The following PPP5C variants were observed in gnomAD, a reference collection of about 807,000 sequenced individuals.
PPP5C encodes the protein protein phosphatase 5 catalytic subunit.
PPP5C carries 21 observed loss-of-function variants against 66.7 expected under a neutral mutation model. The observed-to-expected ratio is 0.31, with a 90% confidence interval of 0.22 to 0.45. The LOEUF (loss-of-function observed/expected upper bound fraction) is 0.45. PPP5C is among the 20% of genes least tolerant of loss of function. PPP5C has a pLI of 1.00. For missense variants in PPP5C, 464 were observed against 675.9 expected (o/e 0.69, Z 3.48); for synonymous variants, 246 against 257.4 (o/e 0.96, Z 0.43).
At chr19:46,369,873 C>T (rs1972555630) in intron 2 of PPP5C, among the ~76,000 whole-genome samples, 1 of 150,002 alleles carries the variant, frequency 6.7e-6, no homozygotes, top group Non-Finnish European at 1.5e-5. Context: ...TTACAGTGAG[C>T]CGAGATCAAG....
chr19:46,388,443 C>A lies in PPP5C; in HGVS notation c.1171C>A (p.Pro391Thr). The change falls in exon 10 of 13, where the codon CCA becomes ACA. Residue 391 changes from proline to threonine, a missense_variant. Pro to Thr is a conservative substitution (Grantham distance 38). Coordinates refer to ENST00000012443, the MANE Select transcript of PPP5C (RefSeq NM_006247.4). The surrounding 1 kb of genome is among the most constrained non-coding windows in gnomAD (Gnocchi z 4.9). ...TGACCTGCTCTGGTCAGATCCACAG[C>A]CACAGGTGAGTCTAGGGTGGGGTGC... ...MCDLLWSDPQPQNGRSISKRG... is the reference protein window; with the variant it reads ...MCDLLWSDPQTQNGRSISKRG... 1 of 1,612,476 alleles carries A rather than the reference C, an allele frequency of 6.2e-7. No homozygotes were observed. Among genetic ancestry groups the A allele is most frequent in the South Asian group, 1.1e-5 (1 of 91,014 alleles).
intron 2 of PPP5C, among the ~76,000 whole-genome samples, chr19:46,357,440 G>A (rs764462937): frequency 1.1e-4 from 16 of 152,118 alleles, no homozygotes; most frequent in African/African-American, 3.9e-4. Flanking sequence ...TCTCCCTACC[G>A]GCAACCAAGC....
chr19:46,378,421 T>G (rs1334434184), intron 4 of PPP5C, among the ~76,000 whole-genome samples: 1 of 152,194 alleles, frequency 6.6e-6, no homozygotes, highest in Non-Finnish European at 1.5e-5. Flanking sequence ...TGGAAAATAG[T>G]GTGTATTTTG....
chr19:46,348,371 TGGCGCAATCTC>T (rs1972123279), intron 1 of PPP5C, among the ~76,000 whole-genome samples: 1 of 147,100 alleles, frequency 6.8e-6, no homozygotes, highest in Admixed American at 7.1e-5. Context: ...TAGAGTGCAA[TGGCGCAATCTC>T]GGCTCACTGC....
intron 2 of PPP5C, among the ~76,000 whole-genome samples, chr19:46,361,121 G>A (rs1342239969): frequency 7.7e-6 from 1 of 130,218 alleles, no homozygotes; most frequent in Non-Finnish European, 1.6e-5. Flanking sequence ...AAAGATAAGT[G>A]AAAGAAAATT....
chr19:46,377,559 T>C (rs1972717040), intron 4 of PPP5C, among the ~76,000 whole-genome samples: 1 of 152,200 alleles, frequency 6.6e-6, no homozygotes, highest in Non-Finnish European at 1.5e-5. Context: ...AAGTGTCCTG[T>C]TAGATGAGTT....
At chr19:46,350,135 G>A (rs1372308962) in intron 1 of PPP5C, among the ~76,000 whole-genome samples, 2 of 152,284 alleles carry the variant, frequency 1.3e-5, no homozygotes, top group East Asian at 1.9e-4. Flanking sequence ...AAGAGGCTGC[G>A]AGGCCAGGTG....
At chr19:46,350,704 C>T (rs1354471778) in intron 1 of PPP5C, among the ~76,000 whole-genome samples, 1 of 152,128 alleles carries the variant, frequency 6.6e-6, no homozygotes, top group Non-Finnish European at 1.5e-5. Context: ...TGGGAGATGG[C>T]TAGGAGTGGC....
At chr19:46,377,085 T>C (rs560906569) in intron 4 of PPP5C, among the ~76,000 whole-genome samples, 1 of 152,304 alleles carries the variant, frequency 6.6e-6, no homozygotes, top group East Asian at 1.9e-4. Flanking sequence ...GACCTTACCA[T>C]AGTTTTGGGG....
chr19:46,390,214 A>G, intron 12 of PPP5C, 70 bp from the exon 13 acceptor site: 2 of 1,605,614 alleles, frequency 1.2e-6, no homozygotes, highest in Non-Finnish European at 1.7e-6. Context: ...GGGCAGGGGT[A>G]GGTTCTGCCG....
rs189506887 is a variant in PPP5C, at chr19:46,356,420, C to T, written c.363+2431C>T. ...TGGATGCTAGAGTTTCCTCCTAGAC[C>T]AGAAGCTCGCCAGGGAAGCAGAGCA... is the stretch of plus-strand genomic sequence containing the variant. On this transcript the variant is annotated intron_variant, in intron 2 of 12. Coordinates refer to ENST00000012443, the MANE Select transcript of PPP5C (RefSeq NM_006247.4). Among the ~76,000 whole-genome samples, 26 of 152,344 alleles carry T rather than the reference C, an allele frequency of 1.7e-4. No homozygotes were observed. In the East Asian group the frequency reaches 5.0e-3, roughly 29 times the overall value.
At position 46,366,005 on chromosome 19, in the gene PPP5C, AAG is replaced by A. The variant is rs1476032171; in HGVS notation, c.364-9593_364-9592del. 3.3e-5 allele frequency among the ~76,000 whole-genome samples: 5 copies of A among 152,248 alleles called. No individual in the cohort carries two copies. In the South Asian group the frequency reaches 6.2e-4, roughly 19 times the overall value. On this transcript the variant is annotated intron_variant, in intron 2 of 12. Transcript: ENST00000012443. ...AAGATGGAAACCTTCATTCTAGAAAAAGAGAGATAGAACCACTCAAATAAAGT... is the reference window on the plus strand; with the variant it reads ...AAGATGGAAACCTTCATTCTAGAAAAAGAGATAGAACCACTCAAATAAAGT...
Position 46,371,594 on chromosome 19 carries a change from C to T in PPP5C, c.364-4010C>T, listed in dbSNP as rs1450313141. On this transcript the variant is annotated intron_variant, in intron 2 of 12. Coordinates refer to ENST00000012443, the MANE Select transcript of PPP5C (RefSeq NM_006247.4). ...CAGGCCATAAGCAGGGCAGGCGCAG[C>T]GGGTCCGAGTTTCTCGGCACAGCAC... 2.0e-5 allele frequency among the ~76,000 whole-genome samples: 3 copies of T among 152,296 alleles called. 1 individual carries two copies. Among genetic ancestry groups the T allele is most frequent in the South Asian group, 4.1e-4 (2 of 4,826 alleles).
At chr19:46,356,536 C>T (rs564424499) in intron 2 of PPP5C, among the ~76,000 whole-genome samples, 35 of 152,206 alleles carry the variant, frequency 2.3e-4, no homozygotes, top group Admixed American at 6.5e-5. Context: ...CTGCTGGGAG[C>T]CCTTTGTGCA....
intron 3 of PPP5C, among the ~76,000 whole-genome samples, 159 bp downstream of exon 3, chr19:46,375,910 C>A (rs913341057): frequency 1.3e-5 from 2 of 152,202 alleles, no homozygotes; most frequent in Non-Finnish European, 2.9e-5. Context: ...GCTCCATCCA[C>A]AGCCCAAAGC....
chr19:46,349,050 G>C (rs1325941846), intron 1 of PPP5C, among the ~76,000 whole-genome samples: 3 of 152,148 alleles, frequency 2.0e-5, no homozygotes, highest in Non-Finnish European at 4.4e-5. Context: ...CTGAAGGGGA[G>C]TGGAGAAATG....
chr19:46,349,163 A>G (rs1312201664), intron 1 of PPP5C, among the ~76,000 whole-genome samples: 3 of 152,082 alleles, frequency 2.0e-5, no homozygotes, highest in Non-Finnish European at 4.4e-5. Flanking sequence ...GTGTGGTGGC[A>G]CACACCTGTA....
chr19:46,351,805 A>C (rs146445610), intron 1 of PPP5C, among the ~76,000 whole-genome samples: 4 of 152,208 alleles, frequency 2.6e-5, no homozygotes, highest in Non-Finnish European at 5.9e-5. Flanking sequence ...TCATTACTCA[A>C]CAGTGACGAT....
intron 4 of PPP5C, among the ~76,000 whole-genome samples, chr19:46,377,656 C>G (rs986905337): frequency 1.3e-5 from 2 of 152,238 alleles, no homozygotes; most frequent in Non-Finnish European, 2.9e-5. Context: ...TTCTAGTCAG[C>G]CCTCACTCCC....
Sources: allele counts gnomAD v4.1 joint callset (sites outside exome capture counted in the v4.1 genomes callset), GRCh38; gene constraint gnomAD v4.1.1; non-coding constraint Gnocchi (gnomAD v3.1); transcripts MANE v1.5; gene names NCBI Gene and HGNC (gene_info 2026-07-23, HGNC 2026-07-21).